Variants in SLC9A9 observed in about 807,000 individuals in gnomAD.
SLC9A9 encodes sodium/hydrogen exchanger 9.
SLC9A9 carries 62 observed loss-of-function variants against 77.8 expected under a neutral mutation model. The observed-to-expected ratio is 0.80, with a 90% CI of 0.65 to 0.98. SLC9A9 has a LOEUF of 0.98. Among genes scored for constraint, SLC9A9 ranks in the 50% least tolerant of loss-of-function variants. SLC9A9 has a pLI of 0.00. For missense variants in SLC9A9, 775 were observed against 774.9 expected (o/e 1.00, Z 0.00); for synonymous variants, 320 against 283.5 (o/e 1.13, Z -1.29).
At chr3:143,578,192 AC>A (rs1021743652) in intron 7 of SLC9A9, among the ~76,000 whole-genome samples, 1 of 152,162 alleles carries the variant, frequency 6.6e-6, no homozygotes, top group Non-Finnish European at 1.5e-5. Flanking sequence ...GGCAGATCAT[AC>A]CCAATTTATC....
intron 12 of SLC9A9, among the ~76,000 whole-genome samples, chr3:143,430,393 G>C: frequency 6.6e-6 from 1 of 152,142 alleles, no homozygotes; most frequent in East Asian, 1.9e-4. Flanking sequence ...AATTCTGAGG[G>C]TTACATACAC....
chr3:143,421,604 A>T (rs2034297229), intron 12 of SLC9A9, among the ~76,000 whole-genome samples: 1 of 152,202 alleles, frequency 6.6e-6, no homozygotes, highest in African/African-American at 2.4e-5. Flanking sequence ...AAGGTGAATT[A>T]AAAAACTAAG....
chr3:143,406,978 G>GAAAAAAAAAAAAAAA (rs57344964), intron 12 of SLC9A9, among the ~76,000 whole-genome samples: 3 of 69,396 alleles, frequency 4.3e-5, no homozygotes, highest in Admixed American at 1.6e-4. Flanking sequence ...TCCATCTCGA[G>GAAAAAAAAAAAAAAA]AAAAAAAAAA....
At chr3:143,602,229 G>A (rs1229002163) in intron 6 of SLC9A9, among the ~76,000 whole-genome samples, 1 of 152,184 alleles carries the variant, frequency 6.6e-6, no homozygotes, top group Non-Finnish European at 1.5e-5. Flanking sequence ...GCATGTCCAG[G>A]GCTTGTTCAC....
chr3:143,555,264 A>G (rs1297077400), intron 8 of SLC9A9, among the ~76,000 whole-genome samples: 1 of 152,146 alleles, frequency 6.6e-6, no homozygotes, highest in Non-Finnish European at 1.5e-5. Context: ...ACCTTCCACC[A>G]TGATTGTGAG....
At chr3:143,578,089 T>A (rs1006488678) in intron 7 of SLC9A9, among the ~76,000 whole-genome samples, 1 of 152,180 alleles carries the variant, frequency 6.6e-6, no homozygotes, top group African/African-American at 2.4e-5. Context: ...CAGGTTCCCT[T>A]CTATAAAGTA....
chr3:143,444,721 T>C (rs772063780), intron 12 of SLC9A9, among the ~76,000 whole-genome samples: 2 of 152,202 alleles, frequency 1.3e-5, no homozygotes, highest in Non-Finnish European at 2.9e-5. Flanking sequence ...GGCAATCTTC[T>C]TATTTTCCTT....
chr3:143,580,080 TA>T (rs2037427577), intron 6 of SLC9A9, among the ~76,000 whole-genome samples: 1 of 152,216 alleles, frequency 6.6e-6, no homozygotes, highest in East Asian at 1.9e-4. Flanking sequence ...TTCTTTTTTG[TA>T]AAGTGTTGTG....
intron 6 of SLC9A9, among the ~76,000 whole-genome samples, chr3:143,625,668 G>A (rs1325480182): frequency 6.6e-6 from 1 of 152,148 alleles, no homozygotes; most frequent in Non-Finnish European, 1.5e-5. Flanking sequence ...AACCCTAGAA[G>A]AAAACCTAGG....
chr3:143,832,085 A>T lies in SLC9A9; in HGVS notation c.312T>A (p.Tyr104Ter). 6.2e-7 allele frequency: 1 copy of T among 1,613,152 alleles called. No homozygotes were observed. Among genetic ancestry groups the T allele is most frequent in the Non-Finnish European group, 8.5e-7 (1 of 1,179,512 alleles). ...GCTGACTTATTTCTCTTTTGTATTT[A>T]TATTCATAAACTTGGTCAGTGATAT... The part of the protein sequence containing the change: ...LVNITDQVYE[Y>*]KYKREISQHN... The change falls in exon 2 of 16, where the codon TAT (tyrosine) becomes TAA (stop). Residue 104 changes from tyrosine to a stop codon, truncating the protein, a stop_gained. Coordinates refer to ENST00000316549, the MANE Select transcript of SLC9A9 (RefSeq NM_173653.4). LOFTEE classifies it high-confidence loss of function.
intron 5 of SLC9A9, among the ~76,000 whole-genome samples, chr3:143,658,671 G>T (rs2038933188): frequency 6.6e-6 from 1 of 152,056 alleles, no homozygotes; most frequent in African/African-American, 2.4e-5. Context: ...CCATCCCTTT[G>T]ACTTCAAACA....
intron 4 of SLC9A9, among the ~76,000 whole-genome samples, chr3:143,772,587 C>T (rs1215363197): frequency 6.6e-6 from 1 of 152,066 alleles, no homozygotes; most frequent in East Asian, 1.9e-4. Flanking sequence ...CAAGCTGGTC[C>T]GGGAAGGAAC....
intron 2 of SLC9A9, among the ~76,000 whole-genome samples, chr3:143,809,835 T>G (rs1215370243): frequency 1.3e-5 from 2 of 152,260 alleles, no homozygotes; most frequent in African/African-American, 4.8e-5. Context: ...ACTTGAACAG[T>G]AGCTAGTGCA....
intron 14 of SLC9A9, among the ~76,000 whole-genome samples, chr3:143,278,164 A>G (rs1466003813): frequency 6.6e-6 from 1 of 152,212 alleles, no homozygotes; most frequent in African/African-American, 2.4e-5. Flanking sequence ...GATAGGAACC[A>G]TTATGTCTGC....
intron 12 of SLC9A9, among the ~76,000 whole-genome samples, chr3:143,440,603 C>T (rs543715745): frequency 9.9e-5 from 15 of 152,262 alleles, no homozygotes; most frequent in African/African-American, 2.4e-4. Context: ...GGTATCCCAC[C>T]GGGTAAATGA....
At chr3:143,422,588 C>A (rs144494193) in intron 12 of SLC9A9, among the ~76,000 whole-genome samples, 1 of 152,232 alleles carries the variant, frequency 6.6e-6, no homozygotes, top group East Asian at 1.9e-4. Flanking sequence ...ACACTGGAAA[C>A]TACTAGAGGA....
intron 6 of SLC9A9, among the ~76,000 whole-genome samples, chr3:143,633,733 T>C (rs970761560): frequency 3.9e-5 from 6 of 152,224 alleles, no homozygotes; most frequent in African/African-American, 1.4e-4. Context: ...ACACAAGATC[T>C]ATAAAATACT....
intron 6 of SLC9A9, among the ~76,000 whole-genome samples, chr3:143,633,939 A>T (rs2038469032): frequency 2.0e-5 from 3 of 152,200 alleles, no homozygotes; most frequent in Admixed American, 2.0e-4. Context: ...ATTGCCCCAC[A>T]CTATCTATTA....
intron 2 of SLC9A9, among the ~76,000 whole-genome samples, chr3:143,817,798 A>G (rs569291541): frequency 8.0e-5 from 2 of 25,100 alleles, no homozygotes; most frequent in African/African-American, 1.7e-4. Flanking sequence ...AATATTTTAT[A>G]TCTGTTATCT....
Sources: allele counts gnomAD v4.1 joint callset (sites outside exome capture counted in the v4.1 genomes callset), GRCh38; gene constraint gnomAD v4.1.1; transcripts MANE v1.5; gene names NCBI Gene and HGNC (gene_info 2026-07-23, HGNC 2026-07-21).